NAV3: variants seen among roughly 807,000 people sequenced by gnomAD.
NAV3 encodes the protein neuron navigator 3, also known as pore membrane and/or filament interacting like protein 1.
In NAV3, 87 loss-of-function variants were observed where a neutral mutation model predicts 244.7. The observed-to-expected ratio is 0.36, with a 90% CI of 0.30 to 0.42. NAV3 has a LOEUF of 0.42. NAV3 is among the 20% of genes least tolerant of loss of function. NAV3 has a pLI of 1.00. For missense variants in NAV3, 2,663 were observed against 2,893.3 expected (o/e 0.92, Z 1.83); for synonymous variants, 1,126 against 1,042.2 (o/e 1.08, Z -1.55).
At chr12:77,902,679 AT>A (rs1284479521) in intron 1 of NAV3, among the ~76,000 whole-genome samples, 1 of 152,172 alleles carries the variant, frequency 6.6e-6, no homozygotes, top group East Asian at 1.9e-4. Flanking sequence ...AGGGTATTCA[AT>A]TAGGAAAAGA....
In NAV3 at chr12:77,875,531, C is replaced by T. The variant is rs1881720960; in HGVS notation, c.243+43827C>T. 2.0e-5 allele frequency among the ~76,000 whole-genome samples: 3 copies of T among 152,036 alleles called. No individual in the cohort carries two copies. In the South Asian group the frequency reaches 6.2e-4, roughly 32 times the overall value. ...TACTGTGTTCTCGGTTCCTGAAATACTGCCTGGCATATAGAACACAAACAA... is the reference window on the plus strand; with the variant it reads ...TACTGTGTTCTCGGTTCCTGAAATATTGCCTGGCATATAGAACACAAACAA... On this transcript the variant is annotated intron_variant, in intron 1 of 39. Transcript: ENST00000397909.
chr12:77,609,983 A>G (rs1268901388), intron 2 of NAV3, among the ~76,000 whole-genome samples: 1 of 152,022 alleles, frequency 6.6e-6, no homozygotes, highest in African/African-American at 2.4e-5. Flanking sequence ...GGGAAGTTCA[A>G]TATACATTTT....
chr12:77,882,286 A>G (rs567682889), intron 1 of NAV3, among the ~76,000 whole-genome samples: 1 of 152,222 alleles, frequency 6.6e-6, no homozygotes, highest in African/African-American at 2.4e-5. Context: ...CATACCTACA[A>G]CCATGTGATT....
intron 1 of NAV3, among the ~76,000 whole-genome samples, chr12:77,938,283 A>T (rs1397227154): frequency 2.0e-5 from 3 of 152,204 alleles, no homozygotes; most frequent in Non-Finnish European, 2.9e-5. Flanking sequence ...TGATCATACA[A>T]ATATAATCAA....
At chr12:78,151,696 A>T (rs1053288714) in intron 22 of NAV3, among the ~76,000 whole-genome samples, 1 of 151,860 alleles carries the variant, frequency 6.6e-6, no homozygotes, top group East Asian at 1.9e-4. Flanking sequence ...TTTGAATGAG[A>T]TGGCCATCAC....
chr12:78,035,691 G>A (rs1419874827), intron 9 of NAV3, among the ~76,000 whole-genome samples: 6 of 152,060 alleles, frequency 3.9e-5, no homozygotes, highest in Non-Finnish European at 8.8e-5. Flanking sequence ...AAAATATCAA[G>A]GGAAAACCCT....
intron 2 of NAV3, among the ~76,000 whole-genome samples, chr12:77,590,859 G>C (rs1478346857): frequency 6.6e-6 from 1 of 152,154 alleles, no homozygotes; most frequent in Non-Finnish European, 1.5e-5. Flanking sequence ...TGTGGTTGTA[G>C]TTCTTTTAGC....
At chr12:77,791,354 C>T (rs1181168034) in intron 2 of NAV3, among the ~76,000 whole-genome samples, 1 of 138,562 alleles carries the variant, frequency 7.2e-6, no homozygotes. Context: ...AACTCCATCT[C>T]AAAAAAAAAA....
intron 30 of NAV3, among the ~76,000 whole-genome samples, chr12:78,181,390 G>A (rs1043242798): frequency 7.2e-5 from 11 of 151,980 alleles, no homozygotes; most frequent in Non-Finnish European, 1.2e-4. Flanking sequence ...TATTAAGTGT[G>A]CAAAACCCAT....
At chr12:78,190,264 G>T in intron 34 of NAV3, 45 bp downstream of exon 34, 1 of 1,487,112 alleles carries the variant, frequency 6.7e-7, no homozygotes, top group East Asian at 2.4e-5. Flanking sequence ...TTATCCATAA[G>T]TGTTTTAAGC....
intron 2 of NAV3, among the ~76,000 whole-genome samples, chr12:77,677,293 C>T (rs181303442): frequency 6.6e-6 from 1 of 152,238 alleles, no homozygotes; most frequent in East Asian, 1.9e-4. Context: ...GGCTATTTAT[C>T]CATTACAAAA....
At chr12:78,149,105 G>T (rs986064332) in intron 22 of NAV3, among the ~76,000 whole-genome samples, 186 bp downstream of exon 22, 1 of 151,986 alleles carries the variant, frequency 6.6e-6, no homozygotes, top group African/African-American at 2.4e-5. Context: ...ACTGATGAGA[G>T]GCAGCAATAT....
At chr12:77,797,271 C>T (rs1026619630) in intron 2 of NAV3, among the ~76,000 whole-genome samples, 1 of 152,108 alleles carries the variant, frequency 6.6e-6, no homozygotes, top group African/African-American at 2.4e-5. Context: ...CCCAGCTACC[C>T]AGTAGCAGAA....
In NAV3 at chr12:78,006,578, T is replaced by G; in HGVS notation, c.1040T>G (p.Met347Arg). ...MNVKHSATST[M>R]LTVKQSSTAT... ...GTCAAACACAGTGCCACCTCCACCA[T>G]GTTGACTGTAAAGCAGTCAAGTACA... The change falls in exon 8 of 40, where the codon ATG (methionine) becomes AGG (arginine). Residue 347 changes from methionine to arginine, a missense_variant. Transcript: ENST00000397909. 6.2e-7 allele frequency: 1 copy of G among 1,614,032 alleles called. No individual in the cohort carries two copies. The highest frequency in any genetic ancestry group is 8.5e-7 in the Non-Finnish European group (1 of 1,180,012).
intron 33 of NAV3, among the ~76,000 whole-genome samples, chr12:78,189,073 C>T (rs300512): frequency 0.93 from 140,857 of 151,866 alleles, 65,785 homozygotes; most frequent in East Asian, 1. Context: ...CATTATCATC[C>T]TTCATTACAG....
chr12:78,199,542 AAATTAT>A lies in NAV3; in HGVS notation c.6715+15_6715+20del. On this transcript the variant is annotated intron_variant, in intron 37 of 39. Transcript: ENST00000397909. ...CTGACGTTACCATTGGTGAGTTCCA[AAATTAT>A]AATATGCCATTTTCCAGGAACTAAC... 6.4e-7 allele frequency: 1 copy of A among 1,551,162 alleles called. No individual in the cohort carries two copies. The highest frequency in any genetic ancestry group is 8.7e-7 in the Non-Finnish European group (1 of 1,153,360).
chr12:78,091,089 C>T (rs1953907813), intron 12 of NAV3, among the ~76,000 whole-genome samples: 1 of 151,304 alleles, frequency 6.6e-6, no homozygotes. Flanking sequence ...ATGTAGTTTA[C>T]GTTTAAAAAT....
intron 2 of NAV3, among the ~76,000 whole-genome samples, chr12:77,818,073 A>G (rs560877746): frequency 1.8e-4 from 28 of 152,232 alleles, no homozygotes; most frequent in Non-Finnish European, 2.9e-4. Context: ...TTGGAGGGAT[A>G]GGTGGGATAG....
intron 2 of NAV3, among the ~76,000 whole-genome samples, chr12:77,645,890 G>A (rs967746124): frequency 1.3e-5 from 2 of 152,022 alleles, no homozygotes; most frequent in East Asian, 1.9e-4. Flanking sequence ...AAGTGACCAA[G>A]GCTAGGACAC....
Sources: gnomAD v4.1 joint callset for allele counts (sites outside exome capture counted in the v4.1 genomes callset) on GRCh38, gnomAD v4.1.1 for gene constraint, MANE v1.5 for transcripts, NCBI Gene and HGNC (gene_info 2026-07-23, HGNC 2026-07-21) for gene names.